The following GALNT13 variants were observed in gnomAD, a reference collection of about 807,000 sequenced individuals.
GALNT13 encodes the protein polypeptide N-acetylgalactosaminyltransferase 13, also known as UDP-GalNAc:polypeptide N-acetylgalactosaminyltransferase 13.
GALNT13 carries 28 observed loss-of-function variants against 64.2 expected under a neutral mutation model. The observed-to-expected ratio is 0.44, with a 90% CI of 0.32 to 0.60. The LOEUF (loss-of-function observed/expected upper bound fraction) is 0.60, where lower values mean the gene tolerates loss of function less well. Ranked by LOEUF, GALNT13 falls within the 20% of genes least tolerant of loss-of-function variation. GALNT13 has a pLI of 0.05. For missense variants in GALNT13, 577 were observed against 669.8 expected (o/e 0.86, Z 1.53); for synonymous variants, 214 against 224.6 (o/e 0.95, Z 0.42).
chr2:153,164,411 T>C, the GALNT13 span, among the ~76,000 whole-genome samples: 1 of 152,160 alleles, frequency 6.6e-6, no homozygotes, highest in Non-Finnish European at 1.5e-5. Flanking sequence ...GGAGGTTCCT[T>C]GAGAAAATGT....
chr2:153,114,589 G>A, the GALNT13 span, among the ~76,000 whole-genome samples: 1 of 152,120 alleles, frequency 6.6e-6, no homozygotes, highest in Non-Finnish European at 1.5e-5. Context: ...CACCAGTGAA[G>A]TTTTGATATT....
At chr2:153,301,530 T>C in the GALNT13 span, among the ~76,000 whole-genome samples, 18 of 152,234 alleles carry the variant, frequency 1.2e-4, no homozygotes, top group Middle Eastern at 3.4e-3. Context: ...ATATTTATTA[T>C]CTTTTTGTGG....
chr2:154,426,928 G>C (rs1270063114), intron 11 of GALNT13, among the ~76,000 whole-genome samples: 2 of 152,210 alleles, frequency 1.3e-5, no homozygotes, highest in African/African-American at 4.8e-5. Flanking sequence ...TCTCCTACTA[G>C]AACAGTTTCC....
chr2:153,691,690 C>A, the GALNT13 span, among the ~76,000 whole-genome samples: 1 of 151,900 alleles, frequency 6.6e-6, no homozygotes, highest in East Asian at 1.9e-4. Context: ...ACAATATGAT[C>A]CCACTATACA....
At chr2:154,341,306 C>T (rs1029900245) in intron 9 of GALNT13, among the ~76,000 whole-genome samples, 3 of 152,064 alleles carry the variant, frequency 2.0e-5, no homozygotes, top group Non-Finnish European at 2.9e-5. Flanking sequence ...TTAAAAAAAT[C>T]TATGCTCTTG....
chr2:153,715,823 C>G, the GALNT13 span, among the ~76,000 whole-genome samples: 1 of 150,314 alleles, frequency 6.7e-6, no homozygotes, highest in Non-Finnish European at 1.5e-5. Flanking sequence ...TTTTCTTCTT[C>G]TTCTTCTTCC....
chr2:153,677,116 A>G, the GALNT13 span, among the ~76,000 whole-genome samples: 3 of 152,210 alleles, frequency 2.0e-5, no homozygotes, highest in Admixed American at 6.6e-5. Context: ...ATAATTCTAT[A>G]CCTAGAAAAC....
At chr2:154,364,016 T>C (rs1697223750) in intron 9 of GALNT13, among the ~76,000 whole-genome samples, 1 of 152,238 alleles carries the variant, frequency 6.6e-6, no homozygotes, top group South Asian at 2.1e-4. Context: ...GAATTAAAAA[T>C]TGCATGAGCT....
intron 8 of GALNT13, among the ~76,000 whole-genome samples, chr2:154,283,964 C>T (rs546709222): frequency 2.1e-4 from 32 of 151,994 alleles, no homozygotes; most frequent in East Asian, 9.7e-4. Context: ...AGGGAAAGTA[C>T]GTATATTCTT....
At chr2:154,443,369 C>A (rs1701401234) in intron 12 of GALNT13, among the ~76,000 whole-genome samples, 1 of 152,094 alleles carries the variant, frequency 6.6e-6, no homozygotes, top group East Asian at 1.9e-4. Flanking sequence ...TTTTGAGTAA[C>A]AACTTTGTTA....
At chr2:154,056,945 C>T (rs1023881402) in intron 3 of GALNT13, among the ~76,000 whole-genome samples, 4 of 151,642 alleles carry the variant, frequency 2.6e-5, no homozygotes, top group African/African-American at 9.7e-5. Context: ...TTTTTCATTT[C>T]TCTTACTACC....
At chr2:153,583,974 T>A in the GALNT13 span, among the ~76,000 whole-genome samples, 1 of 152,156 alleles carries the variant, frequency 6.6e-6, no homozygotes, top group South Asian at 2.1e-4. Context: ...GAGAAGCTCC[T>A]ATAGCCTGAA....
At chr2:154,368,375 G>A (rs936532591) in intron 9 of GALNT13, among the ~76,000 whole-genome samples, 23 of 152,064 alleles carry the variant, frequency 1.5e-4, no homozygotes, top group Non-Finnish European at 1.0e-4. Flanking sequence ...CCCTCTCTGG[G>A]GTGTGACTGA....
chr2:153,643,648 A>C, the GALNT13 span, among the ~76,000 whole-genome samples: 4 of 151,908 alleles, frequency 2.6e-5, no homozygotes, highest in African/African-American at 9.7e-5. Context: ...AACGGTTAGA[A>C]AAAAAGAGTA....
chr2:154,228,421 G>T (rs1688743525), intron 4 of GALNT13, among the ~76,000 whole-genome samples: 1 of 152,136 alleles, frequency 6.6e-6, no homozygotes, highest in African/African-American at 2.4e-5. Flanking sequence ...ATATCTTGCT[G>T]CAGCAAAATC....
the GALNT13 span, among the ~76,000 whole-genome samples, chr2:153,529,187 AAAAG>A: frequency 6.6e-6 from 1 of 151,988 alleles, no homozygotes; most frequent in African/African-American, 2.4e-5. Flanking sequence ...GACTAAATAA[AAAAG>A]AAAAAAATCC....
chr2:154,189,033 A>G (rs990496367), intron 4 of GALNT13, among the ~76,000 whole-genome samples: 11 of 152,158 alleles, frequency 7.2e-5, no homozygotes, highest in African/African-American at 2.2e-4. Flanking sequence ...ATCCAATCCA[A>G]AAAAATTAAA....
intron 3 of GALNT13, among the ~76,000 whole-genome samples, chr2:154,022,002 C>T (rs1027401564): frequency 2.0e-5 from 3 of 152,168 alleles, no homozygotes; most frequent in African/African-American, 7.2e-5. Context: ...TGCTGGATTA[C>T]ATTTATTGAT....
At chr2:153,891,059 T>C (rs1289412895) in intron 1 of GALNT13, among the ~76,000 whole-genome samples, 1 of 152,208 alleles carries the variant, frequency 6.6e-6, no homozygotes, top group East Asian at 1.9e-4. Flanking sequence ...GATGTATGTC[T>C]ACATCTCTTT....
Sources: allele counts gnomAD v4.1 joint callset (sites outside exome capture counted in the v4.1 genomes callset), GRCh38; gene constraint gnomAD v4.1.1; transcripts MANE v1.5; gene names NCBI Gene and HGNC (gene_info 2026-07-23, HGNC 2026-07-21).